Variants in FBN1 observed in about 807,000 individuals in gnomAD.
FBN1 encodes the protein fibrillin-1.
FBN1 carries 29 observed loss-of-function variants against 365.1 expected under a neutral mutation model. The observed-to-expected ratio is 0.08, with a 90% CI of 0.06 to 0.11. The LOEUF (loss-of-function observed/expected upper bound fraction) is 0.11, where lower values mean the gene tolerates loss of function less well. Among genes scored for constraint, FBN1 ranks in the 10% least tolerant of loss-of-function variants. The probability of loss-of-function intolerance (pLI) is 1.00; values close to 1 mark genes in which losing one functional copy is unlikely to be tolerated. For synonymous variants in FBN1, 1,210 were observed against 1,270.5 expected (o/e 0.95, Z 1.01); for missense variants, 2,476 against 3,703.2 (o/e 0.67, Z 8.60).
chr15:48,634,360 C>A (rs1195427763), intron 2 of FBN1, among the ~76,000 whole-genome samples: 4 of 152,196 alleles, frequency 2.6e-5, no homozygotes, highest in African/African-American at 9.7e-5. Flanking sequence ...TCCTGACTCT[C>A]CTCCATAAGC....
At chr15:48,603,415 T>C (rs1003550978) in intron 4 of FBN1, among the ~76,000 whole-genome samples, 1 of 152,170 alleles carries the variant, frequency 6.6e-6, no homozygotes, top group Non-Finnish European at 1.5e-5. Context: ...AATAAAGCAT[T>C]CCGATAAAGG....
chr15:48,596,356 G>A lies in FBN1; in HGVS notation c.465C>T (p.Leu155=), dbSNP rs1287033860. ...CGQPVCESGC[L]NGGRCVAPNR... The stretch of plus-strand genomic sequence containing the variant: ...TTGGGGCCACACACCTTCCTCCATT[G>A]AGACAGCCACTTTCACAAACAGCTG... The change falls in exon 6 of 66, where the codon CTC becomes CTT. Residue 155 remains leucine (L), a synonymous_variant. Coordinates refer to ENST00000316623, the MANE Select transcript of FBN1 (RefSeq NM_000138.5). 1.2e-6 allele frequency: 2 copies of A among 1,614,030 alleles called. No homozygotes were observed. The highest frequency in any genetic ancestry group is 8.5e-7 in the Non-Finnish European group (1 of 1,179,910).
intron 6 of FBN1, among the ~76,000 whole-genome samples, chr15:48,572,665 A>G (rs1321935313): frequency 6.6e-6 from 1 of 152,180 alleles, no homozygotes; most frequent in African/African-American, 2.4e-5. Context: ...ACAAATGGCC[A>G]CGAAATCATA....
At chr15:48,516,901 T>C in intron 10 of FBN1, among the ~76,000 whole-genome samples, 1 of 152,106 alleles carries the variant, frequency 6.6e-6, no homozygotes, top group Non-Finnish European at 1.5e-5. Context: ...GAGTCAGTGA[T>C]TGAATCGGAC....
chr15:48,448,286 G>A lies in FBN1; in HGVS notation c.5671+482C>T, dbSNP rs76432329. On this transcript the variant is annotated intron_variant, in intron 46 of 65. Transcript: ENST00000316623. Reference sequence around the variant, plus strand: ...GAAGTTTATTCTAAATCAGCATCCTGATAATAGAGAAATCAGGAAAGAGAT... The same window carrying A: ...GAAGTTTATTCTAAATCAGCATCCTAATAATAGAGAAATCAGGAAAGAGAT... Among the ~76,000 whole-genome samples, 1,066 of 152,004 alleles carry A rather than the reference G, an allele frequency of 7.0e-3. 11 individuals are homozygous for A. The highest frequency in any genetic ancestry group is 0.025 in the African/African-American group (1,017 of 41,336).
At chr15:48,522,369 C>G (rs990370852) in intron 9 of FBN1, among the ~76,000 whole-genome samples, 2 of 151,606 alleles carry the variant, frequency 1.3e-5, no homozygotes, top group Non-Finnish European at 1.5e-5. Context: ...TAATAAAGTG[C>G]ACAATAAATG....
chr15:48,468,178 G>A, intron 37 of FBN1, 76 bp from the exon 38 acceptor site: 1 of 1,566,236 alleles, frequency 6.4e-7, no homozygotes. Context: ...CCCACTTCAG[G>A]AACTGTTCAA....
chr15:48,511,144 C>T (rs1421971016), intron 13 of FBN1, among the ~76,000 whole-genome samples: 4 of 152,132 alleles, frequency 2.6e-5, no homozygotes, highest in Admixed American at 1.3e-4. Context: ...ACAATGAGCA[C>T]GTGCGTTCAT....
intron 2 of FBN1, among the ~76,000 whole-genome samples, chr15:48,636,035 G>A (rs566042817): frequency 6.6e-6 from 1 of 152,192 alleles, no homozygotes; most frequent in Non-Finnish European, 1.5e-5. Flanking sequence ...AGTGGTAGCT[G>A]GTCTCCAAAG....
chr15:48,516,260 G>A lies in FBN1; in HGVS notation c.1250C>T (p.Pro417Leu), dbSNP rs1472641259. ...AATTTGAGGTCCAGGAGGAAAGCCA[G>A]GAGGAACAGGGAGAACTGGAGGAAT... ...GPIPPVLPVP[P>L]GFPPGPQIPV... Residue 417 changes from proline to leucine, a missense_variant, in exon 11 of 66, where the codon CCT becomes CTT. By Grantham distance (98) the Pro-to-Leu change is moderately conservative. Coordinates refer to ENST00000316623, the MANE Select transcript of FBN1 (RefSeq NM_000138.5). The A allele has an allele frequency of 6.2e-7, 1 of 1,613,952 alleles. No homozygotes were observed.
chr15:48,425,676 T>G (rs1219127752), intron 59 of FBN1, 63 bp downstream of exon 59: 24 of 1,161,254 alleles, frequency 2.1e-5, no homozygotes, highest in Non-Finnish European at 2.9e-5. Flanking sequence ...TAGCTTTGGG[T>G]TTTTTTTTTT....
rs1269609384 is a variant in FBN1 at position 48,640,474 on chromosome 15, A to G, written c.164+4132T>C. 2.6e-5 allele frequency among the ~76,000 whole-genome samples: 4 copies of G among 152,230 alleles called. No homozygotes were observed. In the East Asian group the frequency reaches 7.7e-4, roughly 29 times the overall value. ...CTTTATAAAGTAAAATGGACTTTAT[A>G]AAGTCTACAGAACTTTTTCTGTATT... On this transcript the variant is annotated intron_variant, in intron 2 of 65. Coordinates refer to ENST00000316623, the MANE Select transcript of FBN1 (RefSeq NM_000138.5).
chr15:48,414,537 G>C (rs2042887011), intron 64 of FBN1, among the ~76,000 whole-genome samples: 1 of 152,070 alleles, frequency 6.6e-6, no homozygotes, highest in Non-Finnish European at 1.5e-5. Flanking sequence ...GATTAATTCA[G>C]CAGGAAAAAA....
At chr15:48,480,576 T>C (rs1401730542) in intron 32 of FBN1, among the ~76,000 whole-genome samples, 1 of 152,194 alleles carries the variant, frequency 6.6e-6, no homozygotes, top group East Asian at 1.9e-4. Flanking sequence ...GAACCAACAA[T>C]AATATTATTG....
At chr15:48,425,274 C>T in intron 60 of FBN1, 95 bp downstream of exon 60, 2 of 1,543,510 alleles carry the variant, frequency 1.3e-6, no homozygotes, top group African/African-American at 1.4e-5. Flanking sequence ...GCCTGTAGAG[C>T]AGGTCTTTCG....
intron 41 of FBN1, 32 bp from the exon 42 acceptor site, chr15:48,463,272 G>A (rs370726144): frequency 1.2e-6 from 2 of 1,607,976 alleles, no homozygotes; most frequent in African/African-American, 1.3e-5. Flanking sequence ...GGATTGGAGG[G>A]TTGGTGATGC....
rs769641351 is a variant in FBN1 at position 48,497,269 on chromosome 15, C to G, written c.2290G>C (p.Val764Leu). The G allele has an allele frequency of 2.5e-6, 4 of 1,613,996 alleles. No homozygotes were observed. The South Asian group carries it at 4.4e-5, about 18-fold the overall frequency. Reference sequence around the variant, plus strand: ...GAAAATGGGTAAAACTTCTCACCAACGCAGTTTTTCCCAGTTGAATCCACT... The same window carrying G: ...GAAAATGGGTAAAACTTCTCACCAAGGCAGTTTTTCCCAGTTGAATCCACT... ...YEVDSTGKNC[V>L]DINECVLNSL... The change falls in exon 19 of 66, where the codon GTT (valine) becomes CTT (leucine). Residue 764 changes from valine to leucine, a missense_variant. By Grantham distance (32) the Val-to-Leu change is conservative. Transcript: ENST00000316623.
intron 6 of FBN1, among the ~76,000 whole-genome samples, chr15:48,567,998 TAAGAAAGAAAGAAAGA>T (rs55984910): frequency 8.8e-5 from 5 of 56,534 alleles, no homozygotes; most frequent in Non-Finnish European, 1.2e-4. Context: ...AGTATACAGA[TAAGAAAGAAAGAAAGA>T]AAGAAAGAAA....
chr15:48,581,764 G>T (rs1395516990), intron 6 of FBN1, among the ~76,000 whole-genome samples: 2 of 152,146 alleles, frequency 1.3e-5, no homozygotes, highest in Non-Finnish European at 2.9e-5. Context: ...TTAAAAGATA[G>T]TTAATAATAA....
Sources: allele counts gnomAD v4.1 joint callset (sites outside exome capture counted in the v4.1 genomes callset), GRCh38; gene constraint gnomAD v4.1.1; transcripts MANE v1.5; gene names NCBI Gene and HGNC (gene_info 2026-07-23, HGNC 2026-07-21).